ANKS1B: variants seen among roughly 807,000 people sequenced by gnomAD.
ANKS1B encodes ankyrin repeat and sterile alpha motif domain-containing protein 1B.
Under a neutral mutation model 148.3 loss-of-function variants are expected in ANKS1B, and 36 were observed. The observed-to-expected ratio is 0.24, with a 90% confidence interval of 0.19 to 0.32. The LOEUF (loss-of-function observed/expected upper bound fraction) is 0.32. ANKS1B is among the 10% of genes least tolerant of loss of function. ANKS1B has a pLI of 1.00. For missense variants in ANKS1B, 1,157 were observed against 1,542.6 expected (o/e 0.75, Z 4.19); for synonymous variants, 542 against 560.8 (o/e 0.97, Z 0.47).
intron 14 of ANKS1B, among the ~76,000 whole-genome samples, chr12:99,216,204 A>G (rs1246872137): frequency 6.6e-6 from 1 of 152,176 alleles, no homozygotes; most frequent in Admixed American, 6.5e-5. Flanking sequence ...CTCCCCAGCT[A>G]TGTGGAACTG....
intron 8 of ANKS1B, among the ~76,000 whole-genome samples, chr12:99,706,816 C>T (rs1354217622): frequency 1.3e-5 from 2 of 152,018 alleles, no homozygotes; most frequent in Non-Finnish European, 2.9e-5. Context: ...CTGAGGCTCT[C>T]GGTCAAGGAA....
intron 17 of ANKS1B, among the ~76,000 whole-genome samples, chr12:98,896,248 T>C (rs1296256193): frequency 4.6e-5 from 7 of 152,252 alleles, no homozygotes; most frequent in Admixed American, 3.3e-4. Flanking sequence ...AGGCATTTAC[T>C]GCCTTGAAAG....
intron 12 of ANKS1B, among the ~76,000 whole-genome samples, chr12:99,284,770 G>A (rs534917928): frequency 1.6e-4 from 25 of 152,062 alleles, no homozygotes; most frequent in Non-Finnish European, 3.4e-4. Context: ...TTGGAACAAC[G>A]TCCAAGCTCC....
intron 3 of ANKS1B, among the ~76,000 whole-genome samples, chr12:99,811,112 A>G (rs947372050): frequency 6.6e-6 from 1 of 151,958 alleles, no homozygotes; most frequent in African/African-American, 2.4e-5. Context: ...AATTAATAAA[A>G]TGTTTTCCTG....
At chr12:99,310,507 C>A (rs2082987759) in intron 12 of ANKS1B, among the ~76,000 whole-genome samples, 1 of 152,168 alleles carries the variant, frequency 6.6e-6, no homozygotes, top group Non-Finnish European at 1.5e-5. Flanking sequence ...AGCGAGGATT[C>A]TTCCTACTTG....
At chr12:99,552,069 G>C (rs1383612481) in intron 9 of ANKS1B, among the ~76,000 whole-genome samples, 1 of 152,090 alleles carries the variant, frequency 6.6e-6, no homozygotes, top group East Asian at 1.9e-4. Context: ...TTTCTGCCTG[G>C]ATGATCCCTA....
chr12:99,734,012 A>G (rs2059398828), intron 8 of ANKS1B, among the ~76,000 whole-genome samples: 1 of 152,146 alleles, frequency 6.6e-6, no homozygotes, highest in Non-Finnish European at 1.5e-5. Context: ...ATTCCCCACA[A>G]TAGCTGTTCC....
chr12:99,583,466 T>A lies in ANKS1B; in HGVS notation c.1272+71601A>T, dbSNP rs539586551. 5.9e-5 allele frequency among the ~76,000 whole-genome samples: 9 copies of A among 152,304 alleles called. No individual in the cohort carries two copies. The South Asian group carries it at 1.9e-3, about 32-fold the overall frequency. On this transcript the variant is annotated intron_variant, in intron 9 of 26. Coordinates refer to ENST00000683438, the MANE Select transcript of ANKS1B (RefSeq NM_001352186.2). ...GCTATAAATTAATGAATGGTACTGA[T>A]TTGAACCACATTATACCTATTTTTC...
In ANKS1B at chr12:99,243,629, A is replaced by G. The variant is rs188766706; in HGVS notation, c.2419+713T>C. Among the ~76,000 whole-genome samples the G allele has an allele frequency of 1.2e-3, 182 of 152,312 alleles. 2 individuals carry two copies. Among genetic ancestry groups the G allele is most frequent in the Middle Eastern group, 6.8e-3 (2 of 294 alleles). Reference sequence around the variant, plus strand: ...ATAGCAAAGACTTGGAACCAACCCAAATGTCCACCAGTGATAGACTGGATT... The same window carrying G: ...ATAGCAAAGACTTGGAACCAACCCAGATGTCCACCAGTGATAGACTGGATT... On this transcript the variant is annotated intron_variant, in intron 14 of 26. Coordinates refer to ENST00000683438, the MANE Select transcript of ANKS1B (RefSeq NM_001352186.2).
intron 15 of ANKS1B, among the ~76,000 whole-genome samples, chr12:99,101,007 A>C (rs2057792370): frequency 1.3e-5 from 2 of 152,196 alleles, no homozygotes; most frequent in South Asian, 4.1e-4. Context: ...AGCAAGAGAG[A>C]GAAGGCACTG....
In ANKS1B at chr12:99,278,128, C is replaced by G. The variant is rs537986568; in HGVS notation, c.1757-31264G>C. On this transcript the variant is annotated intron_variant, in intron 12 of 26. Transcript: ENST00000683438. ...GCTGTGTTGCTGGGAAGCAGCTGCC[C>G]ATCAGGAATTACATTTCTCTAGCTC... Among the ~76,000 whole-genome samples the G allele has an allele frequency of 2.0e-5, 3 of 152,308 alleles. No homozygotes were observed. In the South Asian group the frequency reaches 6.2e-4, roughly 32 times the overall value.
At chr12:99,186,517 C>T (rs1213162637) in intron 14 of ANKS1B, among the ~76,000 whole-genome samples, 3 of 152,152 alleles carry the variant, frequency 2.0e-5, no homozygotes, top group African/African-American at 7.2e-5. Context: ...GGGTGCCCCT[C>T]TGAGATGAAG....
chr12:99,168,443 T>C (rs982121709), intron 14 of ANKS1B, among the ~76,000 whole-genome samples: 6 of 149,694 alleles, frequency 4.0e-5, no homozygotes, highest in African/African-American at 1.2e-4. Flanking sequence ...CACTTGAACC[T>C]GGGAGGCAGA....
intron 1 of ANKS1B, among the ~76,000 whole-genome samples, chr12:99,959,010 G>A (rs537383398): frequency 2.0e-5 from 3 of 151,716 alleles, no homozygotes; most frequent in East Asian, 1.9e-4. Context: ...TACAGGTTTC[G>A]GGTAGATTTT....
intron 17 of ANKS1B, among the ~76,000 whole-genome samples, chr12:98,863,727 A>T (rs2099610982): frequency 6.6e-6 from 1 of 152,222 alleles, no homozygotes; most frequent in South Asian, 2.1e-4. Flanking sequence ...GCTGGAACAG[A>T]AGTAAACTTG....
At chr12:99,801,947 A>C (rs763507051) in intron 4 of ANKS1B, among the ~76,000 whole-genome samples, 5 of 152,178 alleles carry the variant, frequency 3.3e-5, no homozygotes, top group Admixed American at 6.6e-5. Flanking sequence ...GTGAAATAAA[A>C]GCAGTATCAT....
At chr12:99,795,672 T>C (rs1333738469) in intron 4 of ANKS1B, among the ~76,000 whole-genome samples, 4 of 152,006 alleles carry the variant, frequency 2.6e-5, no homozygotes, top group Non-Finnish European at 5.9e-5. Flanking sequence ...TGATGCACAC[T>C]GTAGACACGG....
chr12:99,536,693 C>T (rs1236627555), intron 9 of ANKS1B, among the ~76,000 whole-genome samples: 7 of 152,068 alleles, frequency 4.6e-5, no homozygotes, highest in Non-Finnish European at 1.0e-4. Flanking sequence ...TACAGGCATG[C>T]AATATGAAAT....
intron 25 of ANKS1B, among the ~76,000 whole-genome samples, chr12:98,765,123 T>C (rs1268366156): frequency 6.6e-6 from 1 of 152,256 alleles, no homozygotes; most frequent in Non-Finnish European, 1.5e-5. Flanking sequence ...TCTGCTATTC[T>C]CTGTGTCCTC....
Sources: allele counts gnomAD v4.1 joint callset (sites outside exome capture counted in the v4.1 genomes callset), GRCh38; gene constraint gnomAD v4.1.1; transcripts MANE v1.5; gene names NCBI Gene and HGNC (gene_info 2026-07-23, HGNC 2026-07-21).